The following TRIM24 variants were observed in gnomAD, a reference collection of about 807,000 sequenced individuals.
The protein encoded by TRIM24 is transcription intermediary factor 1-alpha.
In TRIM24, 29 loss-of-function variants were observed where a neutral mutation model predicts 123.9. The observed-to-expected ratio is 0.23, with a 90% CI of 0.17 to 0.32. TRIM24 has a LOEUF of 0.32. TRIM24 is among the 10% of genes least tolerant of loss of function. The probability of loss-of-function intolerance (pLI) is 1.00; values close to 1 mark genes in which losing one functional copy is unlikely to be tolerated. For synonymous variants in TRIM24, 456 were observed against 461.1 expected (o/e 0.99, Z 0.14); for missense variants, 932 against 1,295.3 (o/e 0.72, Z 4.31).
At chr7:138,541,356 T>C (rs1178212893) in intron 7 of TRIM24, among the ~76,000 whole-genome samples, 1 of 152,158 alleles carries the variant, frequency 6.6e-6, no homozygotes, top group Non-Finnish European at 1.5e-5. Flanking sequence ...ATGGATGTTG[T>C]GTTAGCGGGC....
chr7:138,565,622 GA>G (rs1171882968), intron 9 of TRIM24, among the ~76,000 whole-genome samples: 4 of 152,214 alleles, frequency 2.6e-5, no homozygotes, highest in Non-Finnish European at 5.9e-5. Flanking sequence ...GGAATCAGAG[GA>G]CTGGAGAGAC....
intron 9 of TRIM24, among the ~76,000 whole-genome samples, chr7:138,562,546 A>T (rs1463617544): frequency 6.6e-6 from 1 of 152,114 alleles, no homozygotes; most frequent in Non-Finnish European, 1.5e-5. Flanking sequence ...TACAAACATG[A>T]TTCCATGTTA....
At chr7:138,503,077 C>T (rs1208435957) in intron 1 of TRIM24, among the ~76,000 whole-genome samples, 1 of 152,036 alleles carries the variant, frequency 6.6e-6, no homozygotes, top group East Asian at 1.9e-4. Flanking sequence ...GTTGCAGCAA[C>T]ATGAAAAGTT....
chr7:138,587,600 C>T lies in TRIM24; in HGVS notation c.*2649C>T, dbSNP rs1353092895. 1 of 152,230 alleles carries T rather than the reference C, an allele frequency of 6.6e-6. No homozygotes were observed. Among genetic ancestry groups the T allele is most frequent in the Admixed American group, 6.5e-5 (1 of 15,274 alleles). The allele number at this position is 152,230 out of a possible 1,614,324, so 9.4% of individuals were successfully genotyped here. A position where few individuals can be genotyped will look rare whatever the true frequency, so the allele number is the denominator to read the frequency against. ...TAACCTTGACCTAAACTTGTACACT[C>T]CGGTGTACATCTTTGACCATAAACT... On this transcript the variant is annotated 3_prime_UTR_variant, in exon 19 of 19. Transcript: ENST00000343526.
At chr7:138,578,531 T>G (rs980086424) in intron 14 of TRIM24, among the ~76,000 whole-genome samples, 2 of 86,982 alleles carry the variant, frequency 2.3e-5, no homozygotes, top group African/African-American at 4.4e-5. Flanking sequence ...TGGTGGTGGT[T>G]TTGTGTGTGT....
At chr7:138,510,567 G>A (rs994037724) in intron 2 of TRIM24, among the ~76,000 whole-genome samples, 3 of 152,066 alleles carry the variant, frequency 2.0e-5, no homozygotes, top group Non-Finnish European at 2.9e-5. Flanking sequence ...GACTACAGGC[G>A]CATACTGCCA....
intron 4 of TRIM24, among the ~76,000 whole-genome samples, chr7:138,522,336 CA>C (rs936449680): frequency 9.8e-4 from 132 of 134,664 alleles, no homozygotes; most frequent in Admixed American, 8.2e-4. Context: ...AACTCCATCT[CA>C]AAAAAAAAAA....
At position 138,471,327 on chromosome 7, in the gene TRIM24, A is replaced by G. The variant is rs189580269; in HGVS notation, c.364+10415A>G. Among the ~76,000 whole-genome samples the G allele has an allele frequency of 2.7e-4, 41 of 152,272 alleles. No individual in the cohort carries two copies. The East Asian group carries it at 6.8e-3, about 25-fold the overall frequency. ...TAGTATATGTACAGTACATGTTCAA[A>G]TATTTGTGTCTAAAATAAACATAAC... On this transcript the variant is annotated intron_variant, in intron 1 of 18. Coordinates refer to ENST00000343526, the MANE Select transcript of TRIM24 (RefSeq NM_015905.3).
At chr7:138,523,158 A>G (rs1796537895) in intron 4 of TRIM24, among the ~76,000 whole-genome samples, 1 of 152,200 alleles carries the variant, frequency 6.6e-6, no homozygotes, top group African/African-American at 2.4e-5. Flanking sequence ...TAAATAATCA[A>G]CAATTCTCTG....
intron 18 of TRIM24, 48 bp downstream of exon 18, chr7:138,584,047 ATCATT>A: frequency 6.4e-7 from 1 of 1,557,558 alleles, no homozygotes; most frequent in African/African-American, 1.4e-5. Flanking sequence ...CAGTGTGAAA[ATCATT>A]TTATTACTAA....
chr7:138,543,913 C>G (rs1797052305), intron 7 of TRIM24, among the ~76,000 whole-genome samples: 1 of 152,156 alleles, frequency 6.6e-6, no homozygotes, highest in Non-Finnish European at 1.5e-5. Flanking sequence ...TAGCTCCCTG[C>G]AGCCTCAAAC....
At chr7:138,566,968 A>G (rs1443849714) in intron 9 of TRIM24, among the ~76,000 whole-genome samples, 2 of 152,190 alleles carry the variant, frequency 1.3e-5, no homozygotes, top group Non-Finnish European at 2.9e-5. Context: ...TAGCTTTCTT[A>G]TCTATAAAAT....
intron 6 of TRIM24, among the ~76,000 whole-genome samples, chr7:138,538,406 T>A (rs1262505971): frequency 6.6e-6 from 1 of 152,232 alleles, no homozygotes; most frequent in Non-Finnish European, 1.5e-5. Context: ...GTAACATGCA[T>A]GAACAGAGTT....
intron 2 of TRIM24, among the ~76,000 whole-genome samples, chr7:138,508,694 CGCGCGCGT>C (rs1272048679): frequency 9.8e-5 from 3 of 30,630 alleles, no homozygotes; most frequent in Admixed American, 3.5e-4. Flanking sequence ...TGTGTGTGTG[CGCGCGCGT>C]GTGTGCGTGT....
chr7:138,467,430 C>G (rs1318742837), intron 1 of TRIM24, among the ~76,000 whole-genome samples: 1 of 152,182 alleles, frequency 6.6e-6, no homozygotes, highest in African/African-American at 2.4e-5. Context: ...CAACCTCCGC[C>G]TCCCAGGTTC....
intron 2 of TRIM24, among the ~76,000 whole-genome samples, chr7:138,508,708 C>CGTGTGCGT (rs1554436685): frequency 0.31 from 42,657 of 136,126 alleles, 7,304 homozygotes; most frequent in African/African-American, 0.39. Flanking sequence ...CGCGTGTGTG[C>CGTGTGCGT]GTGTGTGTGT....
chr7:138,557,151 C>G (rs1028435546), intron 9 of TRIM24, among the ~76,000 whole-genome samples: 1 of 152,148 alleles, frequency 6.6e-6, no homozygotes, highest in African/African-American at 2.4e-5. Flanking sequence ...TTGGGAGAGT[C>G]TCTGGAGCTC....
intron 6 of TRIM24, among the ~76,000 whole-genome samples, chr7:138,531,109 C>A (rs1164127887): frequency 6.7e-6 from 1 of 148,846 alleles, no homozygotes; most frequent in Non-Finnish European, 1.5e-5. Flanking sequence ...GCGTGTGCTG[C>A]CACTCCTGGC....
intron 2 of TRIM24, among the ~76,000 whole-genome samples, chr7:138,506,247 G>C (rs945496355): frequency 1.3e-5 from 2 of 152,206 alleles, no homozygotes; most frequent in Non-Finnish European, 2.9e-5. Context: ...CTTGCTGTGG[G>C]AGATAAACTT....
Sources: gnomAD v4.1 joint callset for allele counts (sites outside exome capture counted in the v4.1 genomes callset) on GRCh38, gnomAD v4.1.1 for gene constraint, MANE v1.5 for transcripts, NCBI Gene and HGNC (gene_info 2026-07-23, HGNC 2026-07-21) for gene names.